PDE4B: variants seen among roughly 807,000 people sequenced by gnomAD.
PDE4B encodes the protein 3',5'-cyclic-AMP phosphodiesterase 4B.
PDE4B carries 20 observed loss-of-function variants against 82.2 expected under a neutral mutation model. The observed-to-expected ratio is 0.24, with a 90% CI of 0.17 to 0.35. The LOEUF is 0.35. Among genes scored for constraint, PDE4B ranks in the 10% least tolerant of loss-of-function variants. The pLI, the probability that PDE4B is intolerant of heterozygous loss-of-function variation, is 1.00. For synonymous variants in PDE4B, 320 were observed against 318.9 expected (o/e 1.00, Z -0.04); for missense variants, 655 against 907.2 (o/e 0.72, Z 3.57).
chr1:65,973,305 CTTTATGAT>C (rs1650239479), intron 3 of PDE4B, among the ~76,000 whole-genome samples: 1 of 151,638 alleles, frequency 6.6e-6, no homozygotes. Context: ...ATATATTTAT[CTTTATGAT>C]TTTATGTATA....
chr1:66,263,968 T>C (rs1654861297), intron 6 of PDE4B, among the ~76,000 whole-genome samples: 1 of 152,208 alleles, frequency 6.6e-6, no homozygotes, highest in South Asian at 2.1e-4. Flanking sequence ...ATTCAATAAG[T>C]ATTTACTGAA....
chr1:66,099,310 A>G (rs1005306219), intron 3 of PDE4B, among the ~76,000 whole-genome samples: 3 of 152,096 alleles, frequency 2.0e-5, no homozygotes, highest in African/African-American at 7.2e-5. Flanking sequence ...ATTCTTTTGT[A>G]TGGCTGCATA....
At chr1:66,012,377 A>T (rs955891878) in intron 3 of PDE4B, among the ~76,000 whole-genome samples, 10 of 152,170 alleles carry the variant, frequency 6.6e-5, no homozygotes, top group Admixed American at 6.6e-4. Flanking sequence ...GAGCATCATT[A>T]TAATTCTATC....
At chr1:65,859,321 T>A (rs952053814) in intron 1 of PDE4B, among the ~76,000 whole-genome samples, 3 of 151,758 alleles carry the variant, frequency 2.0e-5, no homozygotes, top group Admixed American at 1.3e-4. Flanking sequence ...TAATGCAGAG[T>A]TTAGTCTTAG....
chr1:66,228,321 C>G (rs982173830), intron 3 of PDE4B, among the ~76,000 whole-genome samples: 1 of 152,170 alleles, frequency 6.6e-6, no homozygotes, highest in Non-Finnish European at 1.5e-5. Flanking sequence ...TGCCTGCTGA[C>G]TCAGCCCCAT....
intron 3 of PDE4B, among the ~76,000 whole-genome samples, chr1:66,093,618 G>A (rs1645064387): frequency 6.6e-6 from 1 of 151,960 alleles, no homozygotes; most frequent in African/African-American, 2.4e-5. Context: ...GCTTTCCTGA[G>A]GCTTCTAACC....
At chr1:66,097,727 C>T in intron 3 of PDE4B, among the ~76,000 whole-genome samples, 1 of 151,678 alleles carries the variant, frequency 6.6e-6, no homozygotes, top group African/African-American at 2.4e-5. Context: ...TTAAAAAGAT[C>T]CTTGTCTACA....
intron 3 of PDE4B, among the ~76,000 whole-genome samples, chr1:66,182,913 T>C (rs1287210248): frequency 6.6e-6 from 1 of 152,214 alleles, no homozygotes. Context: ...TCCAGAAATG[T>C]GGGAAAGCCT....
chr1:66,290,792 C>T (rs1288968712), intron 7 of PDE4B, among the ~76,000 whole-genome samples: 1 of 152,154 alleles, frequency 6.6e-6, no homozygotes, highest in Admixed American at 6.6e-5. Context: ...CACAAGAAAC[C>T]TTCCACCCAC....
chr1:66,232,834 A>C (rs1177710487), intron 3 of PDE4B, among the ~76,000 whole-genome samples: 2 of 152,204 alleles, frequency 1.3e-5, no homozygotes, highest in East Asian at 3.8e-4. Context: ...TCCTGATTCT[A>C]GTGTGTTGAG....
At chr1:65,798,727 A>T (rs535829243) in intron 1 of PDE4B, among the ~76,000 whole-genome samples, 1 of 152,310 alleles carries the variant, frequency 6.6e-6, no homozygotes, top group East Asian at 1.9e-4. Context: ...GTTTGATTGT[A>T]TTTCCCTGTA....
At chr1:66,169,676 C>G (rs1646802701) in intron 3 of PDE4B, among the ~76,000 whole-genome samples, 1 of 152,164 alleles carries the variant, frequency 6.6e-6, no homozygotes, top group Non-Finnish European at 1.5e-5. Context: ...TTAATCAGAT[C>G]ACTGTGAACT....
At chr1:65,855,769 C>G (rs1312896225) in intron 1 of PDE4B, among the ~76,000 whole-genome samples, 2 of 152,098 alleles carry the variant, frequency 1.3e-5, no homozygotes, top group African/African-American at 4.8e-5. Flanking sequence ...GAAATCTGAT[C>G]TTTGCGTCCT....
chr1:66,093,925 TTCAA>T (rs1237128426), intron 3 of PDE4B, among the ~76,000 whole-genome samples: 6 of 152,022 alleles, frequency 3.9e-5, no homozygotes, highest in Non-Finnish European at 8.8e-5. Flanking sequence ...CTTTCATTCA[TTCAA>T]TCAATTTTTT....
chr1:65,958,786 A>G (rs1441925437), intron 3 of PDE4B, among the ~76,000 whole-genome samples: 1 of 151,986 alleles, frequency 6.6e-6, no homozygotes, highest in Non-Finnish European at 1.5e-5. Context: ...ACACACGCAA[A>G]ATACCATAGT....
chr1:66,312,012 A>G (rs1309195523), intron 7 of PDE4B, among the ~76,000 whole-genome samples: 1 of 152,228 alleles, frequency 6.6e-6, no homozygotes, highest in African/African-American at 2.4e-5. Context: ...ACACGGATAT[A>G]GAGAAATTCA....
rs554968860 is a variant in PDE4B, at chr1:66,070,213, T to C, written c.281+151378T>C. On this transcript the variant is annotated intron_variant, in intron 3 of 16. Transcript: ENST00000341517. ...ATAGGGCAGGCACCCTGTAAATGTG[T>C]TGAGCTAGATTGATTAATGTGTCTA... Among the ~76,000 whole-genome samples the C allele has an allele frequency of 1.1e-4, 16 of 152,134 alleles. No homozygotes were observed. The South Asian group carries it at 3.3e-3, about 32-fold the overall frequency.
At chr1:66,162,299 A>G (rs1295026483) in intron 3 of PDE4B, among the ~76,000 whole-genome samples, 1 of 98,570 alleles carries the variant, frequency 1.0e-5, no homozygotes, top group African/African-American at 3.6e-5. Context: ...AGGTTCATGG[A>G]CTTCTCTTTT....
chr1:66,013,812 A>G (rs1652623194), intron 3 of PDE4B, among the ~76,000 whole-genome samples: 2 of 152,136 alleles, frequency 1.3e-5, no homozygotes, highest in African/African-American at 4.8e-5. Context: ...TGGGGTATAT[A>G]CCCAGAAATG....
Sources: allele counts gnomAD v4.1 joint callset (sites outside exome capture counted in the v4.1 genomes callset), GRCh38; gene constraint gnomAD v4.1.1; transcripts MANE v1.5; gene names NCBI Gene and HGNC (gene_info 2026-07-23, HGNC 2026-07-21).